Variants in ROBO1 observed in about 807,000 individuals in gnomAD.
ROBO1 encodes roundabout homolog 1.
ROBO1 carries 149 observed loss-of-function variants against 195.9 expected under a neutral mutation model. The observed-to-expected ratio is 0.76, with a 90% CI of 0.67 to 0.87. ROBO1 has a LOEUF of 0.87. Among genes scored for constraint, ROBO1 ranks in the 40% least tolerant of loss-of-function variants. The probability of loss-of-function intolerance (pLI) is 0.00; values close to 1 mark genes in which losing one functional copy is unlikely to be tolerated. For synonymous variants in ROBO1, 816 were observed against 733.2 expected (o/e 1.11, Z -1.82); for missense variants, 1,933 against 2,068.3 (o/e 0.93, Z 1.27).
In ROBO1 at chr3:79,741,578, C is replaced by T. The variant is rs1282427809; in HGVS notation, c.-51+26174G>A. ...TATTAGCAGTTCTTACAGTAGCTTCCTTTATAACCAAAGATGCTTGATAAA... is the reference window on the plus strand; with the variant it reads ...TATTAGCAGTTCTTACAGTAGCTTCTTTTATAACCAAAGATGCTTGATAAA... On this transcript the variant is annotated intron_variant, in intron 1 of 30. Transcript: ENST00000464233. Among the ~76,000 whole-genome samples, 6 of 152,150 alleles carry T rather than the reference C, an allele frequency of 3.9e-5. No individual in the cohort carries two copies. In the South Asian group the frequency reaches 1.2e-3, roughly 32 times the overall value.
At chr3:79,553,502 A>T (rs1167763024) in intron 2 of ROBO1, among the ~76,000 whole-genome samples, 2 of 152,074 alleles carry the variant, frequency 1.3e-5, no homozygotes, top group Non-Finnish European at 2.9e-5. Flanking sequence ...TTTCAATATC[A>T]ACTTCCAGGA....
At chr3:79,297,556 A>G (rs1308450189) in intron 2 of ROBO1, among the ~76,000 whole-genome samples, 1 of 152,124 alleles carries the variant, frequency 6.6e-6, no homozygotes, top group Non-Finnish European at 1.5e-5. Flanking sequence ...CAGCAACTGG[A>G]GTTCTGGGGA....
intron 3 of ROBO1, among the ~76,000 whole-genome samples, chr3:78,963,148 G>T (rs191348): frequency 6.6e-6 from 1 of 151,674 alleles, no homozygotes; most frequent in Non-Finnish European, 1.5e-5. Context: ...TGGGTATGAA[G>T]AACTAACCCT....
At chr3:79,265,587 T>A (rs1235780040) in intron 2 of ROBO1, among the ~76,000 whole-genome samples, 1 of 151,534 alleles carries the variant, frequency 6.6e-6, no homozygotes, top group African/African-American at 2.4e-5. Flanking sequence ...GGATTATAAA[T>A]GATAATAAAG....
intron 4 of ROBO1, among the ~76,000 whole-genome samples, chr3:78,779,042 G>A (rs564944367): frequency 7.9e-5 from 12 of 152,030 alleles, no homozygotes; most frequent in East Asian, 5.8e-4. Context: ...CTGGGAAAAC[G>A]GGCAAGCCAT....
At chr3:78,903,867 T>C (rs1010630127) in intron 4 of ROBO1, among the ~76,000 whole-genome samples, 2 of 152,108 alleles carry the variant, frequency 1.3e-5, no homozygotes, top group African/African-American at 4.8e-5. Context: ...TAGACCACAC[T>C]GTCTTGGTAC....
chr3:78,786,174 C>CAAAAG (rs2083828550), intron 4 of ROBO1, among the ~76,000 whole-genome samples: 1 of 152,098 alleles, frequency 6.6e-6, no homozygotes, highest in Non-Finnish European at 1.5e-5. Flanking sequence ...CACTTTTATC[C>CAAAAG]TTTTGAAAGT....
chr3:78,820,694 A>G (rs2030808769), intron 4 of ROBO1, among the ~76,000 whole-genome samples: 1 of 152,222 alleles, frequency 6.6e-6, no homozygotes, highest in Non-Finnish European at 1.5e-5. Flanking sequence ...TTCTCATGCC[A>G]ATAACCTCAG....
intron 2 of ROBO1, among the ~76,000 whole-genome samples, chr3:79,497,799 G>T (rs1939831088): frequency 6.6e-6 from 1 of 151,920 alleles, no homozygotes; most frequent in Non-Finnish European, 1.5e-5. Context: ...CTTTTAAAAC[G>T]GTAAGTACTA....
chr3:78,617,940 G>A lies in ROBO1; in HGVS notation c.3977C>T (p.Ala1326Val), dbSNP rs769052045. The part of the protein sequence containing the change: ...GPLVSDMDTD[A>V]PEEEEDEADM... ...GGCTTCGTCTTCTTCCTCTTCTGGC[G>A]CATCCGTATCCATATCTGAGACCAG... Residue 1326 changes from alanine (A) to valine (V), a missense_variant, in exon 27 of 31, where the codon GCG becomes GTG. This residue lies in a region of ROBO1 where 1,737 missense variants were observed against 1,882.5 expected (regional missense o/e 0.92). Coordinates refer to ENST00000464233, the MANE Select transcript of ROBO1 (RefSeq NM_002941.4). 67 of 1,613,966 alleles carry A rather than the reference G, an allele frequency of 4.2e-5. 1 individual carries two copies. The highest frequency in any genetic ancestry group is 5.4e-5 in the Non-Finnish European group (64 of 1,179,882).
At position 78,938,766 on chromosome 3, in the gene ROBO1, T is replaced by C; in HGVS notation, c.334A>G (p.Lys112Glu). ...YKGGERVETD[K>E]DDPRSHRMLL... The stretch of plus-strand genomic sequence containing the variant: ...ATTCGGTGTGAGCGAGGGTCATCTT[T>C]GTCTGTCTCCACTCTCTCTCCCCCT... The change falls in exon 4 of 31, where the codon AAA becomes GAA. Residue 112 changes from lysine (K) to glutamate (E), a missense_variant. This residue lies in a region of ROBO1 where 185 missense variants were observed against 159.5 expected (regional missense o/e 1.16). Coordinates refer to ENST00000464233, the MANE Select transcript of ROBO1 (RefSeq NM_002941.4). 1.2e-6 allele frequency: 2 copies of C among 1,613,996 alleles called. No homozygotes were observed. The highest frequency in any genetic ancestry group is 1.7e-6 in the Non-Finnish European group (2 of 1,179,880).
At chr3:78,822,409 C>T (rs957427400) in intron 4 of ROBO1, among the ~76,000 whole-genome samples, 1 of 152,076 alleles carries the variant, frequency 6.6e-6, no homozygotes, top group Non-Finnish European at 1.5e-5. Flanking sequence ...TCTATAAGCA[C>T]CTGCTGAACA....
chr3:79,559,262 C>A (rs1252131285), intron 2 of ROBO1, among the ~76,000 whole-genome samples: 1 of 152,194 alleles, frequency 6.6e-6, no homozygotes, highest in Non-Finnish European at 1.5e-5. Context: ...TTACCTGGTT[C>A]TGAGTGCTGC....
At chr3:79,726,314 T>A (rs1301516613) in intron 1 of ROBO1, among the ~76,000 whole-genome samples, 2 of 152,166 alleles carry the variant, frequency 1.3e-5, no homozygotes, top group Admixed American at 1.3e-4. Context: ...ACCCCATCTA[T>A]CTAACACCAA....
intron 3 of ROBO1, among the ~76,000 whole-genome samples, chr3:79,117,210 TA>T (rs368492214): frequency 9.8e-4 from 145 of 148,510 alleles, no homozygotes; most frequent in South Asian, 7.9e-3. Context: ...TCTACTAAAA[TA>T]AAAAAAAAAT....
intron 1 of ROBO1, among the ~76,000 whole-genome samples, chr3:79,703,715 C>T (rs1221599592): frequency 2.6e-5 from 4 of 151,784 alleles, no homozygotes; most frequent in Admixed American, 6.6e-5. Flanking sequence ...GAATGTAATG[C>T]CAATGCTTAG....
chr3:79,143,237 C>T (rs574782630), intron 2 of ROBO1, among the ~76,000 whole-genome samples: 2 of 151,882 alleles, frequency 1.3e-5, no homozygotes, highest in African/African-American at 4.8e-5. Flanking sequence ...AAAAATAACC[C>T]GACAGCCTAA....
rs1703471269 is a variant in ROBO1, at chr3:78,606,639, T to A, written c.4744+94A>T. 3.1e-6 allele frequency: 4 copies of A among 1,298,720 alleles called. No homozygotes were observed. In the East Asian group the frequency reaches 9.3e-5, roughly 30 times the overall value. 80.4% of individuals were successfully genotyped at this position (1,298,720 alleles called of 1,614,324 possible). ...CTCCACTGGAGAGCAAACTTCTTAA[T>A]CTTACCACTTTTTACATGGCCATAT... On this transcript the variant is annotated intron_variant, in intron 29 of 30. Coordinates refer to ENST00000464233, the MANE Select transcript of ROBO1 (RefSeq NM_002941.4).
chr3:78,753,650 G>A (rs1961636), intron 4 of ROBO1, among the ~76,000 whole-genome samples: 36,805 of 151,976 alleles, frequency 0.24, 4,563 homozygotes, highest in African/African-American at 0.26. Flanking sequence ...CTCCACACGC[G>A]TTAGCTATTT....
Sources: allele counts gnomAD v4.1 joint callset (sites outside exome capture counted in the v4.1 genomes callset), GRCh38; gene constraint gnomAD v4.1.1; regional missense constraint gnomAD v4.1.1; transcripts MANE v1.5; gene names NCBI Gene and HGNC (gene_info 2026-07-23, HGNC 2026-07-21).